Variants in PSPC1 observed in about 807,000 individuals in gnomAD.
PSPC1 encodes the protein paraspeckle component 1.
A neutral mutation model predicts 51.6 loss-of-function variants in PSPC1; 14 were observed. That is an observed-to-expected ratio of 0.27 (90% CI 0.18 to 0.42). The LOEUF (loss-of-function observed/expected upper bound fraction) is 0.42, where lower values mean the gene tolerates loss of function less well. Ranked by LOEUF, PSPC1 falls within the 10% of genes least tolerant of loss-of-function variation. The pLI, the probability that PSPC1 is intolerant of heterozygous loss-of-function variation, is 1.00. For missense variants in PSPC1, 406 were observed against 701.1 expected (o/e 0.58, Z 4.75); for synonymous variants, 193 against 231.9 (o/e 0.83, Z 1.53).
chr13:19,714,093 T>C (rs1302591847), intron 6 of PSPC1, among the ~76,000 whole-genome samples: 3 of 152,234 alleles, frequency 2.0e-5, no homozygotes, highest in Non-Finnish European at 4.4e-5. Context: ...TCAAAGTTAA[T>C]TTTATTAAAT....
chr13:19,781,295 G>A (rs1327292542), intron 1 of PSPC1, among the ~76,000 whole-genome samples: 2 of 151,932 alleles, frequency 1.3e-5, no homozygotes, highest in African/African-American at 4.8e-5. Context: ...GGGACTACAG[G>A]CGCGCACCAC....
intron 4 of PSPC1, among the ~76,000 whole-genome samples, chr13:19,747,522 G>A (rs1020929002): frequency 2.2e-4 from 33 of 152,124 alleles, no homozygotes; most frequent in Admixed American, 1.6e-3. Context: ...TGGTAGAGAC[G>A]GGGTCTCACT....
At chr13:19,676,631 G>A (rs1876669163) in intron 7 of PSPC1, among the ~76,000 whole-genome samples, 1 of 152,162 alleles carries the variant, frequency 6.6e-6, no homozygotes, top group Admixed American at 6.5e-5. Flanking sequence ...TCTGTGTCCT[G>A]TGTGGGAGAC....
chr13:19,779,605 G>A (rs1889660613), intron 1 of PSPC1, among the ~76,000 whole-genome samples: 1 of 36,994 alleles, frequency 2.7e-5, no homozygotes, highest in African/African-American at 9.6e-5. Context: ...GGAGGTGAGG[G>A]GCGCCTCTGC....
At chr13:19,737,076 C>G (rs1368901783) in intron 5 of PSPC1, 1 of 152,182 alleles carries the variant, frequency 6.6e-6, no homozygotes, top group Non-Finnish European at 1.5e-5. Flanking sequence ...TACTCCATTT[C>G]TGACTTGGGC....
At chr13:19,759,494 T>C (rs1042521242) in intron 2 of PSPC1, 76 bp from the exon 3 acceptor site, 37 of 1,011,112 alleles carry the variant, frequency 3.7e-5, no homozygotes, top group Non-Finnish European at 5.2e-5. Flanking sequence ...AAATGTTTTA[T>C]AATAATAAAG....
chr13:19,688,964 A>C (rs1372839810), intron 6 of PSPC1, among the ~76,000 whole-genome samples: 1 of 95,986 alleles, frequency 1.0e-5, no homozygotes, highest in East Asian at 2.1e-4. Context: ...TAAACTCTTA[A>C]AAAAAAAAAA....
At chr13:19,741,685 T>C (rs995193964) in intron 4 of PSPC1, 36 bp from the exon 5 acceptor site, 2 of 1,368,010 alleles carry the variant, frequency 1.5e-6, no homozygotes, top group East Asian at 2.3e-5. Context: ...TATTTTTAGT[T>C]TCCCTTTCCA....
intron 2 of PSPC1, among the ~76,000 whole-genome samples, chr13:19,763,220 A>T (rs1176108623): frequency 6.6e-6 from 1 of 152,078 alleles, no homozygotes; most frequent in African/African-American, 2.4e-5. Context: ...CAGTGGGGCG[A>T]TCACAGCTCA....
downstream of PSPC1, chr13:19,702,463 TA>T (rs572839099): frequency 8.6e-4 from 131 of 152,328 alleles, no homozygotes; most frequent in African/African-American, 2.8e-3. Flanking sequence ...AACTAGACAT[TA>T]TTTTTTATAA....
intron 6 of PSPC1, among the ~76,000 whole-genome samples, chr13:19,722,912 G>A (rs989664678): frequency 6.6e-6 from 1 of 151,660 alleles, no homozygotes; most frequent in African/African-American, 2.4e-5. Flanking sequence ...GAGTTCAAGA[G>A]CAGCCTGGCC....
Position 19,782,768 on chromosome 13 carries a change from T to G in PSPC1, c.-11A>C. 6.5e-7 allele frequency: 1 copy of G among 1,533,328 alleles called. No homozygotes were observed. Among genetic ancestry groups the G allele is most frequent in the South Asian group, 1.2e-5 (1 of 81,530 alleles). The allele number at this position is 1,533,328 out of a possible 1,614,324, so 95.0% of individuals were successfully genotyped here. A position where few individuals can be genotyped will look rare whatever the true frequency, so the allele number is the denominator to read the frequency against. Reference sequence around the variant, plus strand: ...TCCTCTTAACATCATCTTACTGAGTTCGCCTCGGACACCGGATACAGGCCT... The same window carrying G: ...TCCTCTTAACATCATCTTACTGAGTGCGCCTCGGACACCGGATACAGGCCT... On this transcript the variant is annotated 5_prime_UTR_variant, in exon 1 of 9. Transcript: ENST00000338910. This position sits in a 1 kb window ranked among gnomAD's most constrained non-coding sequence, Gnocchi z 4.5.
chr13:19,723,717 T>TTA (rs748765957), intron 6 of PSPC1, among the ~76,000 whole-genome samples: 4 of 152,204 alleles, frequency 2.6e-5, no homozygotes, highest in African/African-American at 7.2e-5. Flanking sequence ...CATTACAAAC[T>TTA]TATATATATG....
At chr13:19,781,870 T>C (rs945345844) in intron 1 of PSPC1, among the ~76,000 whole-genome samples, 4 of 152,326 alleles carry the variant, frequency 2.6e-5, no homozygotes, top group Admixed American at 6.5e-5. Context: ...ATGTTAATAA[T>C]TGTTTAAGAA....
At position 19,782,277 on chromosome 13, in the gene PSPC1, G is replaced by A. The variant is rs895747802; in HGVS notation, c.372+109C>T. Reference sequence around the variant, plus strand: ...ATCGATGAGGCCGAGCGGCGCCACGGTTGCCACAGGTTGAGACAGCGTCCT... The same window carrying A: ...ATCGATGAGGCCGAGCGGCGCCACGATTGCCACAGGTTGAGACAGCGTCCT... On this transcript the variant is annotated intron_variant, in intron 1 of 8. Coordinates refer to ENST00000338910, the MANE Select transcript of PSPC1 (RefSeq NM_001354909.2). This position sits in a 1 kb window ranked among gnomAD's most constrained non-coding sequence, Gnocchi z 4.5. 1.6e-5 allele frequency: 23 copies of A among 1,416,926 alleles called. No homozygotes were observed. In the East Asian group the frequency reaches 5.3e-4, roughly 33 times the overall value. 87.8% of individuals were successfully genotyped at this position (1,416,926 alleles called of 1,614,324 possible).
At chr13:19,778,392 C>T (rs866585306) in intron 1 of PSPC1, among the ~76,000 whole-genome samples, 888 of 54,386 alleles carry the variant, frequency 0.016, 5 homozygotes, top group Middle Eastern at 0.024. Context: ...TCCCCCTCCC[C>T]CTCCCTCTCC....
intron 7 of PSPC1, among the ~76,000 whole-genome samples, chr13:19,708,931 TG>T (rs1188540798): frequency 6.6e-6 from 1 of 151,844 alleles, no homozygotes; most frequent in African/African-American, 2.4e-5. Context: ...GGGAAGCTGA[TG>T]GGGGTAAACT....
At chr13:19,729,230 A>G (rs1883738252) in intron 6 of PSPC1, among the ~76,000 whole-genome samples, 1 of 152,160 alleles carries the variant, frequency 6.6e-6, no homozygotes, top group African/African-American at 2.4e-5. Context: ...TTATGAAACA[A>G]TAGATGATCT....
At chr13:19,752,267 T>C (rs951375510) in intron 3 of PSPC1, among the ~76,000 whole-genome samples, 8 of 152,170 alleles carry the variant, frequency 5.3e-5, no homozygotes, top group East Asian at 1.9e-4. Context: ...TTAAACTCAA[T>C]TGACGACATC....
Sources: gnomAD v4.1 joint callset for allele counts (sites outside exome capture counted in the v4.1 genomes callset) on GRCh38, gnomAD v4.1.1 for gene constraint, Gnocchi (gnomAD v3.1) non-coding constraint, MANE v1.5 for transcripts, NCBI Gene and HGNC (gene_info 2026-07-23, HGNC 2026-07-21) for gene names.